INKA2: variants seen among roughly 807,000 people sequenced by gnomAD.
The protein encoded by INKA2 is PAK4-inhibitor INKA2.
Under a neutral mutation model 9.8 loss-of-function variants are expected in INKA2, and 3 were observed. The observed-to-expected ratio is 0.31, with a 90% CI of 0.14 to 0.79. The LOEUF (loss-of-function observed/expected upper bound fraction) is 0.79. Ranked by LOEUF, INKA2 falls within the 30% of genes least tolerant of loss-of-function variation. The pLI is 0.62. For missense variants in INKA2, 392 were observed against 384.4 expected (o/e 1.02, Z -0.17); for synonymous variants, 147 against 143.3 (o/e 1.03, Z -0.18).
chr1:111,722,752 T>C lies in INKA2; in HGVS notation c.*4216A>G, dbSNP rs1467554246. 1 of 290,222 alleles carries C rather than the reference T, an allele frequency of 3.4e-6. No homozygotes were observed. Among genetic ancestry groups the C allele is most frequent in the Non-Finnish European group, 6.5e-6 (1 of 153,006 alleles). The allele number at this position is 290,222 out of a possible 1,614,324, so 18.0% of individuals were successfully genotyped here. On this transcript the variant is annotated 3_prime_UTR_variant, in exon 2 of 2. Coordinates refer to ENST00000357260, the MANE Select transcript of INKA2 (RefSeq NM_019099.5). ...TCTTCTCTGACCCTTGCTACAATCC[T>C]GTGAGATATTAAATCAATATAAATG...
chr1:111,723,208 G>C lies in INKA2; in HGVS notation c.*3760C>G. On this transcript the variant is annotated 3_prime_UTR_variant, in exon 2 of 2. Transcript: ENST00000357260. ...TTGTCCAGACCACGTAGGAAACGAT[G>C]GTGTGACTTGGGAAAGATGGAGGAG... 1.6e-6 allele frequency: 1 copy of C among 609,784 alleles called. No homozygotes were observed. The highest frequency in any genetic ancestry group is 1.9e-5 in the South Asian group (1 of 53,130). 37.8% of individuals were successfully genotyped at this position (609,784 alleles called of 1,614,324 possible). A position where few individuals can be genotyped will look rare whatever the true frequency, so the allele number is the denominator to read the frequency against.
chr1:111,755,469 G>C (rs977087043), intron 1 of INKA2: 1 of 568,960 alleles, frequency 1.8e-6, no homozygotes, highest in African/African-American at 2.0e-5. Flanking sequence ...TCAGGGTACG[G>C]AGCGGGTAGC....
intron 1 of INKA2, among the ~76,000 whole-genome samples, chr1:111,730,218 C>A (rs1662876458): frequency 6.6e-6 from 1 of 152,178 alleles, no homozygotes; most frequent in African/African-American, 2.4e-5. Flanking sequence ...AGACTCTAAG[C>A]CCCAGACCAA....
rs1557906995 is a variant in INKA2, at chr1:111,725,259, A to G, written c.*1709T>C. ...CCTCTAATTGCAGCTGTCACACCCC[A>G]TCAGGCTGAGGGACAATCAGTGGGA... On this transcript the variant is annotated 3_prime_UTR_variant, in exon 2 of 2. Coordinates refer to ENST00000357260, the MANE Select transcript of INKA2 (RefSeq NM_019099.5). 1 of 152,344 alleles carries G rather than the reference A, an allele frequency of 6.6e-6. No homozygotes were observed. The highest frequency in any genetic ancestry group is 1.5e-5 in the Non-Finnish European group (1 of 68,100). The allele number at this position is 152,344 out of a possible 1,614,324, so 9.4% of individuals were successfully genotyped here. A position where few individuals can be genotyped will look rare whatever the true frequency, so the allele number is the denominator to read the frequency against.
In INKA2 at chr1:111,723,678, A is replaced by G. The variant is rs197426; in HGVS notation, c.*3290T>C. ...TGATTTCTCTCTGCTTACGTCTGCTATCTCCTCCACATACACACTGCTTAC... is the reference window on the plus strand; with the variant it reads ...TGATTTCTCTCTGCTTACGTCTGCTGTCTCCTCCACATACACACTGCTTAC... On this transcript the variant is annotated 3_prime_UTR_variant, in exon 2 of 2. Coordinates refer to ENST00000357260, the MANE Select transcript of INKA2 (RefSeq NM_019099.5). 64,328 of 152,656 alleles carry G rather than the reference A, an allele frequency of 0.42. 13,867 individuals are homozygous for G. Among genetic ancestry groups the G allele is most frequent in the East Asian group, 0.54 (2,782 of 5,184 alleles). The allele number at this position is 152,656 out of a possible 1,614,324, so 9.5% of individuals were successfully genotyped here.
chr1:111,742,369 G>C (rs1208720533), upstream of INKA2, among the ~76,000 whole-genome samples: 1 of 152,006 alleles, frequency 6.6e-6, no homozygotes, highest in African/African-American at 2.4e-5. Context: ...GGCAGATCAC[G>C]AGGTCAGGAG....
upstream of INKA2, among the ~76,000 whole-genome samples, chr1:111,739,586 A>G (rs1048773589): frequency 6.6e-6 from 1 of 152,202 alleles, no homozygotes; most frequent in Non-Finnish European, 1.5e-5. Flanking sequence ...GCTGGCGAGG[A>G]CACACCTGGT....
At chr1:111,732,262 G>A (rs1370409034) in intron 1 of INKA2, among the ~76,000 whole-genome samples, 2 of 152,140 alleles carry the variant, frequency 1.3e-5, no homozygotes, top group African/African-American at 2.4e-5. Flanking sequence ...TCAGGTCCCC[G>A]GGCTTCCCTT....
chr1:111,734,997 T>A (rs1662983081), intron 1 of INKA2, among the ~76,000 whole-genome samples: 1 of 152,242 alleles, frequency 6.6e-6, no homozygotes, highest in African/African-American at 2.4e-5. Context: ...TTACCAGCTC[T>A]ATGACTTTGG....
At chr1:111,747,089 A>G (rs1663290784) in intron 1 of INKA2, 1 of 152,306 alleles carries the variant, frequency 6.6e-6, no homozygotes, top group African/African-American at 2.4e-5. Context: ...GGGCAGAATC[A>G]GCACAGAAAC....
intron 1 of INKA2, chr1:111,754,206 G>A (rs779634052): frequency 1.3e-5 from 2 of 152,234 alleles, no homozygotes; most frequent in African/African-American, 4.8e-5. Flanking sequence ...TTTGTGGTCT[G>A]GGGATTAGGC....
At chr1:111,743,832 CTG>C (rs2101386365), upstream of INKA2, among the ~76,000 whole-genome samples, 1 of 152,382 alleles carries the variant, frequency 6.6e-6, no homozygotes, top group South Asian at 2.1e-4. Context: ...TTGCCCCCGA[CTG>C]TGGCTGCCAA....
In INKA2 at chr1:111,723,251, C is replaced by T. The variant is rs180860901; in HGVS notation, c.*3717G>A. 4 of 585,212 alleles carry T rather than the reference C, an allele frequency of 6.8e-6. No homozygotes were observed. The highest frequency in any genetic ancestry group is 6.1e-6 in the Non-Finnish European group (2 of 329,800). The allele number at this position is 585,212 out of a possible 1,614,324, so 36.3% of individuals were successfully genotyped here. The stretch of plus-strand genomic sequence containing the variant: ...TGGAGGAGCCTCTCCCCAACAAGGC[C>T]CTAGGGAGGAGATGGGGATGTGGAG... On this transcript the variant is annotated 3_prime_UTR_variant, in exon 2 of 2. Coordinates refer to ENST00000357260, the MANE Select transcript of INKA2 (RefSeq NM_019099.5).
chr1:111,750,790 T>C (rs1228209382), intron 1 of INKA2, among the ~76,000 whole-genome samples: 3 of 152,190 alleles, frequency 2.0e-5, no homozygotes, highest in African/African-American at 7.2e-5. Context: ...TCCAGCTGTA[T>C]TTCTCTTTAC....
chr1:111,749,451 C>T (rs575645802), intron 1 of INKA2, among the ~76,000 whole-genome samples: 5 of 151,528 alleles, frequency 3.3e-5, no homozygotes, highest in African/African-American at 7.3e-5. Flanking sequence ...TGTGTGCGCG[C>T]GCGCGCGTGC....
chr1:111,748,328 A>T (rs185129400), intron 1 of INKA2, among the ~76,000 whole-genome samples: 7 of 152,332 alleles, frequency 4.6e-5, no homozygotes, highest in African/African-American at 1.7e-4. Flanking sequence ...CTGGCTCTAG[A>T]TTGGCCCTGT....
At chr1:111,745,291 A>ATTT (rs1300146205) in intron 1 of INKA2, 46 of 49,346 alleles carry the variant, frequency 9.3e-4, no homozygotes, top group East Asian at 3.4e-3. Context: ...ATATATATAT[A>ATTT]TATTTTTTTT....
chr1:111,745,284 TATATATA>T (rs1213199203), intron 1 of INKA2: 6 of 49,952 alleles, frequency 1.2e-4, no homozygotes, highest in African/African-American at 1.9e-4. Context: ...TATATATATA[TATATATA>T]TATTTTTTTT....
intron 1 of INKA2, chr1:111,746,791 G>A (rs1357522176): frequency 2.6e-5 from 4 of 152,190 alleles, no homozygotes; most frequent in African/African-American, 9.7e-5. Context: ...AGGAAGAGAT[G>A]AGGAGACAGT....
Sources: allele counts gnomAD v4.1 joint callset (sites outside exome capture counted in the v4.1 genomes callset), GRCh38; gene constraint gnomAD v4.1.1; transcripts MANE v1.5; gene names NCBI Gene and HGNC (gene_info 2026-07-23, HGNC 2026-07-21).